Variants in HERC2 observed in about 807,000 individuals in gnomAD.
HERC2 encodes the protein E3 ubiquitin-protein ligase HERC2.
A neutral mutation model predicts 537.7 loss-of-function variants in HERC2; 102 were observed. The ratio of observed to expected loss-of-function variants is 0.19; its 90% CI spans 0.16 to 0.22. The LOEUF (loss-of-function observed/expected upper bound fraction) is 0.22, where lower values mean the gene tolerates loss of function less well. Among genes scored for constraint, HERC2 ranks in the 10% least tolerant of loss-of-function variants. The pLI, the probability that HERC2 is intolerant of heterozygous loss-of-function variation, is 1.00. For synonymous variants in HERC2, 2,224 were observed against 2,466.2 expected (o/e 0.90, Z 2.91); for missense variants, 4,236 against 6,198.2 (o/e 0.68, Z 10.63).
intron 10 of HERC2, 49 bp downstream of exon 10, chr15:28,270,646 G>C (rs771890618): frequency 6.4e-7 from 1 of 1,560,460 alleles, no homozygotes; most frequent in South Asian, 1.2e-5. Flanking sequence ...GAACCTACAA[G>C]TGGTACTAGC....
chr15:28,232,524 G>A (rs1901985704), intron 30 of HERC2, among the ~76,000 whole-genome samples: 1 of 151,322 alleles, frequency 6.6e-6, no homozygotes, highest in Non-Finnish European at 1.5e-5. Context: ...ACTCCAGCCT[G>A]GCGACAAAGC....
At chr15:28,180,749 G>A (rs530278742) in intron 57 of HERC2, among the ~76,000 whole-genome samples, 11 of 152,254 alleles carry the variant, frequency 7.2e-5, no homozygotes, top group Admixed American at 1.3e-4. Flanking sequence ...TTTATTGCAC[G>A]TGTACTAAAT....
In HERC2 at chr15:28,135,440, G is replaced by A. The variant is rs1288889783; in HGVS notation, c.12230+38C>T. Reference sequence around the variant, plus strand: ...CAGCATTAAAACAAACAAAAACAAAGACAAATAGAATGTTGAAATAATTTT... The same window carrying A: ...CAGCATTAAAACAAACAAAAACAAAAACAAATAGAATGTTGAAATAATTTT... On this transcript the variant is annotated intron_variant, in intron 79 of 92. Coordinates refer to ENST00000261609, the MANE Select transcript of HERC2 (RefSeq NM_004667.6). 5 of 1,514,684 alleles carry A rather than the reference G, an allele frequency of 3.3e-6. No homozygotes were observed. The African/African-American group carries it at 6.9e-5, about 21-fold the overall frequency. 93.8% of individuals were successfully genotyped at this position (1,514,684 alleles called of 1,614,324 possible).
chr15:28,174,148 CAGA>C (rs1458844161), intron 65 of HERC2, among the ~76,000 whole-genome samples: 3 of 152,266 alleles, frequency 2.0e-5, no homozygotes, highest in East Asian at 1.9e-4. Context: ...CCTGTTCACA[CAGA>C]AGGACAGCGC....
intron 2 of HERC2, among the ~76,000 whole-genome samples, chr15:28,308,437 A>G (rs1421485392): frequency 1.3e-5 from 2 of 152,332 alleles, no homozygotes; most frequent in East Asian, 1.9e-4. Context: ...TATCGGCTCT[A>G]ATCATTTTCT....
rs373947216 is a variant in HERC2 at position 28,186,617 on chromosome 15, C to T, written c.8785G>A (p.Asp2929Asn). 1.2e-6 allele frequency: 2 copies of T among 1,613,956 alleles called. No homozygotes were observed. The highest frequency in any genetic ancestry group is 1.7e-6 in the Non-Finnish European group (2 of 1,179,998). ...DLAAVPFLAS[D>N]NEEEEDEKGN... ...TTCTCATCCTCCTCCTCTTCATTAT[C>T]CGAAGCTAAGAAAGGAACTGCAGCC... The change falls in exon 56 of 93, where the codon GAT becomes AAT. Residue 2929 changes from aspartate (D) to asparagine (N), a missense_variant. This residue lies in a region of HERC2 where 606 missense variants were observed against 884.5 expected (regional missense o/e 0.69). Transcript: ENST00000261609.
chr15:28,277,050 G>A (rs1027041360), intron 5 of HERC2, among the ~76,000 whole-genome samples: 6 of 152,144 alleles, frequency 3.9e-5, no homozygotes, highest in Non-Finnish European at 8.8e-5. Flanking sequence ...ACTCCAGCTT[G>A]TGGGCATCAG....
At chr15:28,197,612 C>T (rs1304218319) in intron 50 of HERC2, among the ~76,000 whole-genome samples, 4 of 152,076 alleles carry the variant, frequency 2.6e-5, no homozygotes, top group African/African-American at 9.7e-5. Flanking sequence ...ATTATCCAGG[C>T]ATGGTGGTGG....
intron 2 of HERC2, among the ~76,000 whole-genome samples, chr15:28,314,355 A>G (rs1047539938): frequency 3.9e-5 from 6 of 152,210 alleles, no homozygotes; most frequent in African/African-American, 4.8e-5. Context: ...GTCAGCTCGG[A>G]ACAATGGGGT....
intron 89 of HERC2, 27 bp from the exon 90 acceptor site, chr15:28,114,829 G>A (rs1418698960): frequency 1.2e-6 from 2 of 1,601,970 alleles, no homozygotes; most frequent in Non-Finnish European, 1.7e-6. Flanking sequence ...GAAAGCCCAT[G>A]TGTCGACTCA....
chr15:28,269,008 T>C (rs2075646524), intron 11 of HERC2, among the ~76,000 whole-genome samples: 1 of 152,198 alleles, frequency 6.6e-6, no homozygotes, highest in Non-Finnish European at 1.5e-5. Flanking sequence ...CACGTGGAAA[T>C]GAGTTTACAA....
Position 28,226,125 on chromosome 15 carries a change from AG to A in HERC2, c.5464+2092del, listed in dbSNP as rs757649944. 3.9e-5 allele frequency among the ~76,000 whole-genome samples: 6 copies of A among 152,338 alleles called. No homozygotes were observed. The East Asian group carries it at 9.6e-4, about 24-fold the overall frequency. On this transcript the variant is annotated intron_variant, in intron 35 of 92. Coordinates refer to ENST00000261609, the MANE Select transcript of HERC2 (RefSeq NM_004667.6). ...TGTAAAACAATAAAATACTGCTGAA[AG>A]AAATTAAAGAGGACAGAAATAAATG...
intron 23 of HERC2, among the ~76,000 whole-genome samples, chr15:28,241,341 T>C (rs1444968014): frequency 2.0e-5 from 3 of 151,878 alleles, no homozygotes; most frequent in East Asian, 1.9e-4. Flanking sequence ...TTCACACCCA[T>C]TGATGGCTAC....
At chr15:28,171,319 A>C (rs1488958151) in intron 65 of HERC2, among the ~76,000 whole-genome samples, 14 of 152,262 alleles carry the variant, frequency 9.2e-5, no homozygotes, top group Non-Finnish European at 1.8e-4. Flanking sequence ...CCAGAGGATT[A>C]GGCTGAGCAG....
At chr15:28,308,059 T>C (rs1167946191) in intron 2 of HERC2, among the ~76,000 whole-genome samples, 3 of 149,170 alleles carry the variant, frequency 2.0e-5, no homozygotes, top group African/African-American at 7.8e-5. Context: ...ACATGAATTT[T>C]AGGATTTTTT....
At position 28,179,250 on chromosome 15, in the gene HERC2, AAAAAG is replaced by A. The variant is rs540054284; in HGVS notation, c.8938-32_8938-28del. The A allele has an allele frequency of 1.6e-3, 2,422 of 1,535,530 alleles. 24 individuals carry two copies. In the South Asian group the frequency reaches 0.017, roughly 11 times the overall value. On this transcript the variant is annotated intron_variant, in intron 57 of 92. Transcript: ENST00000261609. ...TACAACAGAATTTTTTTAACAAAAA[AAAAAG>A]AAAAGAAAATTTTACTTGCATGTTT...
intron 4 of HERC2, among the ~76,000 whole-genome samples, chr15:28,291,743 T>C (rs1054872369): frequency 6.6e-6 from 1 of 151,276 alleles, no homozygotes; most frequent in Non-Finnish European, 1.5e-5. Context: ...AAAACCTCAA[T>C]TAAAAAATGG....
chr15:28,163,358 A>ATGGG, intron 68 of HERC2, 73 bp from the exon 69 acceptor site: 3 of 1,369,088 alleles, frequency 2.2e-6, no homozygotes, highest in Non-Finnish European at 2.0e-6. Context: ...CAGTTTACCC[A>ATGGG]TAAACTCAGA....
intron 7 of HERC2, 90 bp downstream of exon 7, chr15:28,274,201 G>A (rs2075811163): frequency 2.9e-6 from 4 of 1,374,420 alleles, no homozygotes; most frequent in Admixed American, 2.2e-5. Context: ...CAACCTACTA[G>A]GCTTCTTAGC....
Sources: gnomAD v4.1 joint callset for allele counts (sites outside exome capture counted in the v4.1 genomes callset) on GRCh38, gnomAD v4.1.1 for gene constraint, gnomAD v4.1.1 regional missense constraint, MANE v1.5 for transcripts, NCBI Gene and HGNC (gene_info 2026-07-23, HGNC 2026-07-21) for gene names.